The following GNL2 variants were observed in gnomAD, a reference collection of about 807,000 sequenced individuals.
GNL2 encodes the protein nucleolar GTP-binding protein 2.
A neutral mutation model predicts 92.3 loss-of-function variants in GNL2; 51 were observed. That is an observed-to-expected ratio of 0.55 (90% CI 0.44 to 0.70). The LOEUF (loss-of-function observed/expected upper bound fraction) is 0.70. Among genes scored for constraint, GNL2 ranks in the 30% least tolerant of loss-of-function variants. The probability of loss-of-function intolerance (pLI) is 0.00; values close to 1 mark genes in which losing one functional copy is unlikely to be tolerated. For missense variants in GNL2, 844 were observed against 895.6 expected, an observed-to-expected ratio of 0.94 and a Z score of 0.74; for synonymous variants, 283 against 300.6, an observed-to-expected ratio of 0.94 and a Z score of 0.61.
intron 2 of GNL2, chr1:37,593,429 G>T: frequency 4.4e-6 from 1 of 227,970 alleles, no homozygotes; most frequent in African/African-American, 2.3e-5. Flanking sequence ...ACATTTTCTG[G>T]TGGCTTTCCT....
At position 37,575,311 on chromosome 1, in the gene GNL2, G is replaced by A. The variant is rs1643661110; in HGVS notation, c.1143+284C>T. The stretch of plus-strand genomic sequence containing the variant: ...ATGACTCAACCCATAAACCCACGAA[G>A]ACGAATTATCGCTAAGCATAAACAG... On this transcript the variant is annotated intron_variant, in intron 10 of 15. Coordinates refer to ENST00000373062, the MANE Select transcript of GNL2 (RefSeq NM_013285.3). The surrounding 1 kb of genome is among the most constrained non-coding windows in gnomAD (Gnocchi z 4.1). 6.6e-6 allele frequency among the ~76,000 whole-genome samples: 1 copy of A among 152,186 alleles called. No homozygotes were observed. The highest frequency in any genetic ancestry group is 1.5e-5 in the Non-Finnish European group (1 of 68,034).
Position 37,574,815 on chromosome 1 carries a change from T to C in GNL2, c.1152A>G (p.Val384=), listed in dbSNP as rs201184347. Residue 384 remains valine, a synonymous_variant, in exon 11 of 16, where the codon GTA becomes GTG. Transcript: ENST00000373062. ...TDIVLKGVVQ[V]EKIKSPEDHI... Reference sequence around the variant, plus strand: ...GGTCTTCAGGACTCTTAATTTTTTCTACTTGAACCTAAATGTTAATAGGAA... The same window carrying C: ...GGTCTTCAGGACTCTTAATTTTTTCCACTTGAACCTAAATGTTAATAGGAA... The C allele has an allele frequency of 2.5e-6, 4 of 1,608,660 alleles. No homozygotes were observed. The highest frequency in any genetic ancestry group is 3.4e-6 in the Non-Finnish European group (4 of 1,176,834).
intron 1 of GNL2, 64 bp from the exon 2 acceptor site, chr1:37,593,910 T>C: frequency 8.4e-7 from 1 of 1,189,836 alleles, no homozygotes; most frequent in African/African-American, 1.5e-5. Context: ...AACAAGTCAT[T>C]GCTTAAAATG....
rs1412756872 is a variant in GNL2, at chr1:37,574,476, T to G, written c.1303-20A>C. On this transcript the variant is annotated intron_variant, in intron 11 of 15. Transcript: ENST00000373062. ...TCCACCCTGAAAGGTCACAAAGAGA[T>G]TCCCAATTAAATTCAAAGGACCAAA... The G allele has an allele frequency of 1.3e-6, 2 of 1,595,034 alleles. No individual in the cohort carries two copies. Among genetic ancestry groups the G allele is most frequent in the Admixed American group, 1.7e-5 (1 of 59,728 alleles).
At chr1:37,592,097 A>T (rs1462087231) in intron 3 of GNL2, among the ~76,000 whole-genome samples, 1 of 152,220 alleles carries the variant, frequency 6.6e-6, no homozygotes, top group African/African-American at 2.4e-5. Flanking sequence ...CCCCAAGGAC[A>T]GAGGTCAAAC....
intron 2 of GNL2, 49 bp downstream of exon 2, chr1:37,593,713 G>T: frequency 7.6e-7 from 1 of 1,322,218 alleles, no homozygotes; most frequent in Non-Finnish European, 1.1e-6. Context: ...TCAGCTAGCA[G>T]TCAAGGGCAT....
At chr1:37,568,217 T>C in intron 14 of GNL2, 58 bp downstream of exon 14, 1 of 1,085,098 alleles carries the variant, frequency 9.2e-7, no homozygotes, top group East Asian at 2.4e-5. Flanking sequence ...GAACTTAGGT[T>C]TCTCAAAACT....
intron 5 of GNL2, among the ~76,000 whole-genome samples, chr1:37,585,961 C>T (rs1299701870): frequency 6.6e-6 from 1 of 152,072 alleles, no homozygotes; most frequent in Non-Finnish European, 1.5e-5. Flanking sequence ...GCATGCATAC[C>T]TTTTGATATC....
intron 8 of GNL2, among the ~76,000 whole-genome samples, chr1:37,578,105 C>G (rs1643706526): frequency 6.6e-6 from 1 of 152,096 alleles, no homozygotes; most frequent in Non-Finnish European, 1.5e-5. Flanking sequence ...GAAAAAAGAC[C>G]TACAGACACT....
intron 12 of GNL2, among the ~76,000 whole-genome samples, chr1:37,571,485 C>T (rs577699205): frequency 1.2e-4 from 19 of 152,282 alleles, no homozygotes; most frequent in South Asian, 1.2e-3. Flanking sequence ...CCCAGAGAAA[C>T]GGGATCTGCA....
chr1:37,578,039 A>G (rs11590010), intron 8 of GNL2, among the ~76,000 whole-genome samples: 7,739 of 152,260 alleles, frequency 0.051, 284 homozygotes, highest in Non-Finnish European at 0.077. Context: ...CCAGGATTCT[A>G]TACCCCTAGA....
chr1:37,587,391 A>G lies in GNL2; in HGVS notation c.489T>C (p.Leu163=), dbSNP rs1469032807. 4 of 1,613,272 alleles carry G rather than the reference A, an allele frequency of 2.5e-6. No homozygotes were observed. Among genetic ancestry groups the G allele is most frequent in the Non-Finnish European group, 3.4e-6 (4 of 1,179,352 alleles). The part of the protein sequence containing the change: ...PNLFASDMQS[L]IENAEMSTES... Reference sequence around the variant, plus strand: ...CAGTGGACATTTCAGCATTTTCGATAAGAGACTGCATATCACTTGCAAATA... The same window carrying G: ...CAGTGGACATTTCAGCATTTTCGATGAGAGACTGCATATCACTTGCAAATA... The change falls in exon 5 of 16, where the codon CTT becomes CTC. Residue 163 remains leucine, a synonymous_variant. Coordinates refer to ENST00000373062, the MANE Select transcript of GNL2 (RefSeq NM_013285.3).
intron 4 of GNL2, among the ~76,000 whole-genome samples, chr1:37,587,969 C>T (rs1643867017): frequency 1.3e-5 from 2 of 152,068 alleles, no homozygotes; most frequent in African/African-American, 4.8e-5. Context: ...ACTGTAAATG[C>T]CAACTTTTTC....
intron 14 of GNL2, 100 bp from the exon 15 acceptor site, chr1:37,567,864 A>G (rs145683251): frequency 3.4e-6 from 3 of 871,556 alleles, no homozygotes; most frequent in African/African-American, 1.6e-5. Flanking sequence ...AGGACACCCA[A>G]TGTGGACAGA....
chr1:37,582,412 A>G, intron 7 of GNL2, 76 bp from the exon 8 acceptor site: 1 of 826,492 alleles, frequency 1.2e-6, no homozygotes, highest in Non-Finnish European at 1.9e-6. Flanking sequence ...CAGAGCTTGA[A>G]TTACAGAACT....
intron 5 of GNL2, among the ~76,000 whole-genome samples, chr1:37,584,157 A>G (rs755602425): frequency 1.3e-5 from 2 of 152,238 alleles, no homozygotes; most frequent in Non-Finnish European, 2.9e-5. Context: ...TTTAAAAAAG[A>G]AGGAAATTCC....
intron 2 of GNL2, 39 bp downstream of exon 2, chr1:37,593,723 T>G (rs1384105035): frequency 1.4e-6 from 2 of 1,420,680 alleles, no homozygotes. Flanking sequence ...GTCAAGGGCA[T>G]GAAGGAAAAG....
chr1:37,592,249 C>CT (rs1643891906), intron 3 of GNL2, among the ~76,000 whole-genome samples: 1 of 152,304 alleles, frequency 6.6e-6, no homozygotes, highest in Non-Finnish European at 1.5e-5. Flanking sequence ...TGAAGATACT[C>CT]TATTCACTGT....
At chr1:37,592,214 G>A (rs190955180) in intron 3 of GNL2, among the ~76,000 whole-genome samples, 1 of 152,320 alleles carries the variant, frequency 6.6e-6, no homozygotes, top group African/African-American at 2.4e-5. Context: ...GTTTTCCAAG[G>A]AAGAAGCTGT....
Sources: allele counts gnomAD v4.1 joint callset (sites outside exome capture counted in the v4.1 genomes callset), GRCh38; gene constraint gnomAD v4.1.1; non-coding constraint Gnocchi (gnomAD v3.1); transcripts MANE v1.5; gene names NCBI Gene and HGNC (gene_info 2026-07-23, HGNC 2026-07-21).